Variants in YIPF4 observed in about 807,000 individuals in gnomAD.
YIPF4 encodes protein YIPF4.
Under a neutral mutation model 29.4 loss-of-function variants are expected in YIPF4, and 18 were observed. The observed-to-expected ratio is 0.61, with a 90% CI of 0.42 to 0.91. YIPF4 has a LOEUF of 0.91. Ranked by LOEUF, YIPF4 falls within the 40% of genes least tolerant of loss-of-function variation. The pLI is 0.00. For synonymous variants in YIPF4, 115 were observed against 104.7 expected, an observed-to-expected ratio of 1.10 and a Z score of -0.60; for missense variants, 279 against 282.7, an observed-to-expected ratio of 0.99 and a Z score of 0.09.
At chr2:32,302,088 T>TG in intron 5 of YIPF4, among the ~76,000 whole-genome samples, 1 of 150,814 alleles carries the variant, frequency 6.6e-6, no homozygotes, top group Admixed American at 6.6e-5. Context: ...TGGAGTGCAG[T>TG]GGCGTGATCT....
intron 3 of YIPF4, among the ~76,000 whole-genome samples, chr2:32,295,859 T>C (rs1472124165): frequency 6.6e-6 from 1 of 152,146 alleles, no homozygotes. Context: ...TACCTTGGCC[T>C]CCCAAAGTGC....
intron 4 of YIPF4, among the ~76,000 whole-genome samples, chr2:32,299,052 A>G (rs1198583685): frequency 6.6e-6 from 1 of 151,748 alleles, no homozygotes; most frequent in Non-Finnish European, 1.5e-5. Flanking sequence ...TAATTTTTGT[A>G]TTTTTAGTAG....
chr2:32,283,323 A>G (rs1037714640), intron 1 of YIPF4, among the ~76,000 whole-genome samples: 2 of 151,984 alleles, frequency 1.3e-5, no homozygotes, highest in Non-Finnish European at 2.9e-5. Flanking sequence ...CCCTTTTTAT[A>G]GTGTTTTTTA....
intron 1 of YIPF4, among the ~76,000 whole-genome samples, chr2:32,288,150 T>C (rs1021716788): frequency 3.3e-5 from 5 of 152,224 alleles, no homozygotes; most frequent in Non-Finnish European, 7.3e-5. Flanking sequence ...CTGACAGTTA[T>C]GTCTTGGGGG....
In YIPF4 at chr2:32,309,914, T is replaced by C. The variant is rs922781509; in HGVS notation, c.*4288T>C. The C allele has an allele frequency of 2.6e-5, 4 of 152,068 alleles. No individual in the cohort carries two copies. Among genetic ancestry groups the C allele is most frequent in the Non-Finnish European group, 5.9e-5 (4 of 68,000 alleles). 9.4% of individuals were successfully genotyped at this position (152,068 alleles called of 1,614,324 possible). Reference sequence around the variant, plus strand: ...CATGTTGGCCAGGCTGGTCTTAAACTCCTGACCTCAGGTGATCCACCCACC... The same window carrying C: ...CATGTTGGCCAGGCTGGTCTTAAACCCCTGACCTCAGGTGATCCACCCACC... On this transcript the variant is annotated 3_prime_UTR_variant, in exon 6 of 6. Coordinates refer to ENST00000238831, the MANE Select transcript of YIPF4 (RefSeq NM_032312.4).
At chr2:32,284,602 C>T (rs1200398160) in intron 1 of YIPF4, among the ~76,000 whole-genome samples, 1 of 152,188 alleles carries the variant, frequency 6.6e-6, no homozygotes, top group African/African-American at 2.4e-5. Flanking sequence ...CTAAGGCATA[C>T]CCAGCCATGC....
intron 1 of YIPF4, among the ~76,000 whole-genome samples, chr2:32,284,170 A>G (rs2030555648): frequency 1.3e-5 from 2 of 152,210 alleles, no homozygotes; most frequent in African/African-American, 4.8e-5. Flanking sequence ...GACAAATGCC[A>G]CCAAAAATCC....
chr2:32,282,326 C>T (rs752558567), intron 1 of YIPF4, among the ~76,000 whole-genome samples: 97 of 152,316 alleles, frequency 6.4e-4, no homozygotes, highest in Non-Finnish European at 9.1e-4. Context: ...CTGTCTCTTT[C>T]TTACATTTTT....
intron 4 of YIPF4, 89 bp from the exon 5 acceptor site, chr2:32,301,293 A>G (rs2031395873): frequency 1.3e-6 from 1 of 769,480 alleles, no homozygotes; most frequent in Non-Finnish European, 2.2e-6. Context: ...ATTTATTTGA[A>G]TACAGCAAGG....
chr2:32,309,274 C>T lies in YIPF4; in HGVS notation c.*3648C>T, dbSNP rs565130716. 1 of 152,198 alleles carries T rather than the reference C, an allele frequency of 6.6e-6. No homozygotes were observed. The highest frequency in any genetic ancestry group is 2.4e-5 in the African/African-American group (1 of 41,534). 9.4% of individuals were successfully genotyped at this position (152,198 alleles called of 1,614,324 possible). On this transcript the variant is annotated 3_prime_UTR_variant, in exon 6 of 6. Coordinates refer to ENST00000238831, the MANE Select transcript of YIPF4 (RefSeq NM_032312.4). ...AGAACATTTTTGAGTGCCGATGTGA[C>T]ACTTTAAAGGAAATGTTCATTGGAG...
intron 3 of YIPF4, among the ~76,000 whole-genome samples, chr2:32,293,548 C>G (rs1025397496): frequency 3.3e-5 from 5 of 152,244 alleles, no homozygotes; most frequent in African/African-American, 1.2e-4. Context: ...CCTTTCCCCC[C>G]TTTCTGTTCC....
rs1354883092 is a variant in YIPF4 at position 32,307,994 on chromosome 2, G to A, written c.*2368G>A. 1 of 150,528 alleles carries A rather than the reference G, an allele frequency of 6.6e-6. No homozygotes were observed. The highest frequency in any genetic ancestry group is 1.5e-5 in the Non-Finnish European group (1 of 67,826). The allele number at this position is 150,528 out of a possible 1,614,324, so 9.3% of individuals were successfully genotyped here. ...TGTGTGCAAGACACAGTACTGCTATGGCTAATAATGGTAAGATGACCCTAA... is the reference window on the plus strand; with the variant it reads ...TGTGTGCAAGACACAGTACTGCTATAGCTAATAATGGTAAGATGACCCTAA... On this transcript the variant is annotated 3_prime_UTR_variant, in exon 6 of 6. Coordinates refer to ENST00000238831, the MANE Select transcript of YIPF4 (RefSeq NM_032312.4).
intron 3 of YIPF4, among the ~76,000 whole-genome samples, chr2:32,296,241 C>T (rs193191416): frequency 2.6e-4 from 40 of 151,906 alleles, no homozygotes; most frequent in African/African-American, 6.8e-4. Context: ...CAGACCGAGG[C>T]GGGTGGATCA....
chr2:32,294,330 C>T (rs569455702), intron 3 of YIPF4, among the ~76,000 whole-genome samples: 1 of 143,742 alleles, frequency 7.0e-6, no homozygotes, highest in South Asian at 2.3e-4. Context: ...GCCGGGCGGA[C>T]GGGCTCCTCA....
chr2:32,282,983 A>G (rs2030498808), intron 1 of YIPF4, among the ~76,000 whole-genome samples: 1 of 151,324 alleles, frequency 6.6e-6, no homozygotes, highest in African/African-American at 2.4e-5. Context: ...AGGCTGAGGC[A>G]GGAGAATGGC....
chr2:32,305,640 T>A lies in YIPF4; in HGVS notation c.*14T>A. 1.3e-6 allele frequency: 2 copies of A among 1,556,800 alleles called. No homozygotes were observed. Among genetic ancestry groups the A allele is most frequent in the Admixed American group, 1.9e-5 (1 of 51,532 alleles). ...ACTGGTGTGTGATCCAAGTTATACATGAATAGAAAAAGATGGTGTTAAATT... is the reference window on the plus strand; with the variant it reads ...ACTGGTGTGTGATCCAAGTTATACAAGAATAGAAAAAGATGGTGTTAAATT... On this transcript the variant is annotated 3_prime_UTR_variant, in exon 6 of 6. Transcript: ENST00000238831.
rs987909773 is a variant in YIPF4 at position 32,314,826 on chromosome 2, A to G, written c.*9200A>G. The G allele has an allele frequency of 1.1e-4, 16 of 152,194 alleles. No individual in the cohort carries two copies. Among genetic ancestry groups the G allele is most frequent in the African/African-American group, 3.1e-4 (13 of 41,460 alleles). The allele number at this position is 152,194 out of a possible 1,614,324, so 9.4% of individuals were successfully genotyped here. ...AATTTAAGTCATTTAGGTCAATGAAACAGGAGGGTTTCCAGAATTATACCC... is the reference window on the plus strand; with the variant it reads ...AATTTAAGTCATTTAGGTCAATGAAGCAGGAGGGTTTCCAGAATTATACCC... On this transcript the variant is annotated 3_prime_UTR_variant, in exon 6 of 6. Transcript: ENST00000238831.
At chr2:32,278,257 G>C in intron 1 of YIPF4, 23 bp downstream of exon 1, 1 of 1,537,820 alleles carries the variant, frequency 6.5e-7, no homozygotes. Context: ...CCCTGGAAGG[G>C]CTATCACCCG....
chr2:32,281,271 C>T (rs1479854056), intron 1 of YIPF4, among the ~76,000 whole-genome samples: 1 of 149,372 alleles, frequency 6.7e-6, no homozygotes, highest in Non-Finnish European at 1.5e-5. Context: ...GACAGAGTTT[C>T]ACTCCCCTTG....
Sources: allele counts gnomAD v4.1 joint callset (sites outside exome capture counted in the v4.1 genomes callset), GRCh38; gene constraint gnomAD v4.1.1; transcripts MANE v1.5; gene names NCBI Gene and HGNC (gene_info 2026-07-23, HGNC 2026-07-21).